Variants in PLD1 observed in about 807,000 individuals in gnomAD.
PLD1 encodes the protein choline phosphatase 1.
A neutral mutation model predicts 137.1 loss-of-function variants in PLD1; 112 were observed. The ratio of observed to expected loss-of-function variants is 0.82; its 90% CI spans 0.70 to 0.96. The LOEUF is 0.96. PLD1 is among the 40% of genes least tolerant of loss of function. The probability of loss-of-function intolerance (pLI) is 0.00; values close to 1 mark genes in which losing one functional copy is unlikely to be tolerated. For missense variants in PLD1, 1,321 were observed against 1,342.0 expected (o/e 0.98, Z 0.24); for synonymous variants, 431 against 454.7 (o/e 0.95, Z 0.66).
At chr3:171,675,273 C>T (rs1375248929) in intron 18 of PLD1, among the ~76,000 whole-genome samples, 1 of 151,974 alleles carries the variant, frequency 6.6e-6, no homozygotes, top group Non-Finnish European at 1.5e-5. Context: ...CTTGTCACAG[C>T]AATATAGTGG....
At chr3:171,755,176 G>C (rs965169501) in intron 1 of PLD1, among the ~76,000 whole-genome samples, 22 of 152,046 alleles carry the variant, frequency 1.4e-4, no homozygotes, top group African/African-American at 5.1e-4. Flanking sequence ...CAACTACATA[G>C]ACTGGTATTT....
chr3:171,712,964 T>C (rs1346763662), intron 9 of PLD1, among the ~76,000 whole-genome samples: 1 of 152,150 alleles, frequency 6.6e-6, no homozygotes, highest in East Asian at 1.9e-4. Flanking sequence ...TAAGGGAATA[T>C]GAAGCTATGT....
chr3:171,705,650 T>G (rs1716623145), intron 11 of PLD1, among the ~76,000 whole-genome samples: 1 of 152,164 alleles, frequency 6.6e-6, no homozygotes, highest in Non-Finnish European at 1.5e-5. Context: ...CAAGCTAAAA[T>G]CATAATAAAA....
At chr3:171,700,352 C>T (rs866906469) in intron 11 of PLD1, among the ~76,000 whole-genome samples, 18 of 150,434 alleles carry the variant, frequency 1.2e-4, no homozygotes, top group Admixed American at 1.2e-3. Flanking sequence ...TCTCTCTCTC[C>T]CTCTCCCTCT....
chr3:171,617,912 T>C (rs1417195258), intron 24 of PLD1, among the ~76,000 whole-genome samples: 1 of 152,230 alleles, frequency 6.6e-6, no homozygotes, highest in East Asian at 1.9e-4. Context: ...TTAACACCTA[T>C]AAAATATTCT....
chr3:171,701,552 C>T (rs780538053), intron 11 of PLD1, among the ~76,000 whole-genome samples: 2 of 152,164 alleles, frequency 1.3e-5, no homozygotes, highest in Non-Finnish European at 2.9e-5. Context: ...AACATGTGTA[C>T]CCTTGTATGC....
At chr3:171,675,147 T>C (rs1158871744) in intron 18 of PLD1, among the ~76,000 whole-genome samples, 1 of 152,126 alleles carries the variant, frequency 6.6e-6, no homozygotes, top group South Asian at 2.1e-4. Flanking sequence ...AGGGGAAATA[T>C]TGTTTTATAT....
At chr3:171,747,838 A>G (rs994436283) in intron 1 of PLD1, among the ~76,000 whole-genome samples, 4 of 152,158 alleles carry the variant, frequency 2.6e-5, no homozygotes, top group Admixed American at 6.5e-5. Flanking sequence ...TGTAAGGGTC[A>G]CCCAACAATC....
intron 6 of PLD1, among the ~76,000 whole-genome samples, chr3:171,731,520 G>T (rs1284214753): frequency 6.6e-6 from 1 of 152,124 alleles, no homozygotes; most frequent in Admixed American, 6.5e-5. Flanking sequence ...GGTGGCTCAC[G>T]CCTGTAATCT....
chr3:171,716,707 T>C lies in PLD1; in HGVS notation c.759-2662A>G, dbSNP rs568115920. 1.7e-4 allele frequency among the ~76,000 whole-genome samples: 26 copies of C among 152,314 alleles called. No individual in the cohort carries two copies. The South Asian group carries it at 5.2e-3, about 30-fold the overall frequency. ...TTCTGTAGGTTGTCTGTCTACTCTG[T>C]TGATAGTTTCTTTTGCTGTGCAGAA... is the stretch of plus-strand genomic sequence containing the variant. On this transcript the variant is annotated intron_variant, in intron 8 of 26. Transcript: ENST00000351298.
chr3:171,692,211 G>C (rs1715233644), intron 13 of PLD1, 121 bp downstream of exon 13: 1 of 579,848 alleles, frequency 1.7e-6, no homozygotes, highest in Admixed American at 3.1e-5. Context: ...AGGACACAAT[G>C]CTATTTGATC....
intron 19 of PLD1, among the ~76,000 whole-genome samples, chr3:171,666,522 G>A (rs922745428): frequency 2.6e-5 from 4 of 152,244 alleles, no homozygotes; most frequent in Non-Finnish European, 1.5e-5. Flanking sequence ...GAAACACAGA[G>A]CCAAACCATT....
chr3:171,664,261 A>G (rs1711855128), intron 19 of PLD1, among the ~76,000 whole-genome samples: 1 of 152,220 alleles, frequency 6.6e-6, no homozygotes, highest in Non-Finnish European at 1.5e-5. Context: ...ATCAGGTAGA[A>G]AAAACAAAGG....
chr3:171,605,297 A>T lies in PLD1; in HGVS notation c.3000+2T>A. 1 of 1,540,578 alleles carries T rather than the reference A, an allele frequency of 6.5e-7. No individual in the cohort carries two copies. The highest frequency in any genetic ancestry group is 9.0e-7 in the Non-Finnish European group (1 of 1,112,872). ...CGGAGGAGGGGAATACGTGAACTTCACCTTGTCATAAATTGTAGCATTTCG... is the reference window on the plus strand; with the variant it reads ...CGGAGGAGGGGAATACGTGAACTTCTCCTTGTCATAAATTGTAGCATTTCG... On this transcript the variant is annotated splice_donor_variant, in intron 26 of 26. Transcript: ENST00000351298. LOFTEE classifies it high-confidence loss of function.
intron 1 of PLD1, among the ~76,000 whole-genome samples, chr3:171,761,339 A>G (rs1037712914): frequency 6.6e-6 from 1 of 152,158 alleles, no homozygotes; most frequent in Non-Finnish European, 1.5e-5. Context: ...AGAGCTTCCT[A>G]AAAAAGGAGA....
At chr3:171,774,400 G>A (rs546677636) in intron 1 of PLD1, among the ~76,000 whole-genome samples, 49 of 152,268 alleles carry the variant, frequency 3.2e-4, no homozygotes, top group African/African-American at 9.9e-4. Flanking sequence ...ACGGGGTGGG[G>A]GACATTGGAG....
At chr3:171,786,990 TTA>T (rs1331206427) in intron 1 of PLD1, among the ~76,000 whole-genome samples, 1 of 152,212 alleles carries the variant, frequency 6.6e-6, no homozygotes, top group Admixed American at 6.5e-5. Flanking sequence ...CCATTTCCTG[TTA>T]AATTCCTCCT....
chr3:171,787,355 G>C (rs1723048709), intron 1 of PLD1, among the ~76,000 whole-genome samples: 1 of 152,142 alleles, frequency 6.6e-6, no homozygotes, highest in South Asian at 2.1e-4. Context: ...TATCTACCCT[G>C]AGTATTTTCC....
intron 23 of PLD1, among the ~76,000 whole-genome samples, chr3:171,636,082 A>G (rs9880548): frequency 0.18 from 26,048 of 147,718 alleles, 2,367 homozygotes; most frequent in South Asian, 0.24. Context: ...CACCTTGCTG[A>G]AATTTAATTG....
Sources: gnomAD v4.1 joint callset for allele counts (sites outside exome capture counted in the v4.1 genomes callset) on GRCh38, gnomAD v4.1.1 for gene constraint, MANE v1.5 for transcripts, NCBI Gene and HGNC (gene_info 2026-07-23, HGNC 2026-07-21) for gene names.